POLR3E: variants seen among roughly 807,000 people sequenced by gnomAD.
POLR3E encodes DNA-directed RNA polymerase III subunit RPC5.
Under a neutral mutation model 96.6 loss-of-function variants are expected in POLR3E, and 41 were observed. The observed-to-expected ratio is 0.42, with a 90% CI of 0.33 to 0.55. POLR3E has a LOEUF of 0.55. POLR3E is among the 20% of genes least tolerant of loss of function. The pLI, the probability that POLR3E is intolerant of heterozygous loss-of-function variation, is 0.06. For synonymous variants in POLR3E, 396 were observed against 383.6 expected, an observed-to-expected ratio of 1.03 and a Z score of -0.38; for missense variants, 849 against 952.1, an observed-to-expected ratio of 0.89 and a Z score of 1.43.
chr16:22,297,822 C>T (rs935903194), intron 1 of POLR3E, among the ~76,000 whole-genome samples: 71 of 152,256 alleles, frequency 4.7e-4, no homozygotes, highest in Non-Finnish European at 1.5e-4. Flanking sequence ...CCTGGGAGGC[C>T]TCCTACGGAA....
chr16:22,322,985 A>G lies in POLR3E; in HGVS notation c.1068+54A>G, dbSNP rs2048501671. On this transcript the variant is annotated intron_variant, in intron 14 of 20. Coordinates refer to ENST00000299853, the MANE Select transcript of POLR3E (RefSeq NM_018119.4). This position sits in a 1 kb window ranked among gnomAD's most constrained non-coding sequence, Gnocchi z 5.2. Reference sequence around the variant, plus strand: ...GGTGGGGGCGTGGGAAGAGGGGGGCAGCGGTGCAGGGCTTCTGAAGACCGG... The same window carrying G: ...GGTGGGGGCGTGGGAAGAGGGGGGCGGCGGTGCAGGGCTTCTGAAGACCGG... 3.1e-6 allele frequency: 4 copies of G among 1,278,238 alleles called. No homozygotes were observed. The highest frequency in any genetic ancestry group is 4.5e-6 in the Non-Finnish European group (4 of 891,060). 79.2% of individuals were successfully genotyped at this position (1,278,238 alleles called of 1,614,324 possible).
At position 22,333,673 on chromosome 16, in the gene POLR3E, G is replaced by C; in HGVS notation, c.2100G>C (p.Trp700Cys). 6.2e-7 allele frequency: 1 copy of C among 1,611,446 alleles called. No individual in the cohort carries two copies. The highest frequency in any genetic ancestry group is 8.5e-7 in the Non-Finnish European group (1 of 1,177,574). ...GCTGTGTAAGCTATGGTGGCATGTG[G>C]TACCTTAAAGGGACAGTACAGTCTT... ...KDCCVSYGGMWYLKGTVQS is the reference protein window; with the variant it reads ...KDCCVSYGGMCYLKGTVQS Residue 700 changes from tryptophan (W) to cysteine (C), a missense_variant, in exon 21 of 21, where the codon TGG becomes TGC. Transcript: ENST00000299853.
intron 1 of POLR3E, among the ~76,000 whole-genome samples, chr16:22,297,908 T>A (rs1449999469): frequency 1.3e-5 from 2 of 152,208 alleles, no homozygotes; most frequent in Non-Finnish European, 2.9e-5. Flanking sequence ...AAGGGGGGCC[T>A]GACCACCCGC....
At chr16:22,301,523 G>A (rs940129675) in intron 1 of POLR3E, among the ~76,000 whole-genome samples, 5 of 152,348 alleles carry the variant, frequency 3.3e-5, no homozygotes, top group African/African-American at 1.2e-4. Context: ...AGAGGTTGCA[G>A]TGAGTCAAAA....
At chr16:22,323,459 A>G (rs1303854958) in intron 14 of POLR3E, among the ~76,000 whole-genome samples, 3 of 151,962 alleles carry the variant, frequency 2.0e-5, no homozygotes, top group Non-Finnish European at 4.4e-5. Context: ...CTGGAACTCC[A>G]TGCAGCTGGG....
At chr16:22,332,215 A>G in intron 20 of POLR3E, 30 bp downstream of exon 20, 1 of 1,601,542 alleles carries the variant, frequency 6.2e-7, no homozygotes, top group Admixed American at 1.7e-5. Flanking sequence ...AACAAACAAT[A>G]TCAAAGGCTC....
intron 1 of POLR3E, among the ~76,000 whole-genome samples, chr16:22,300,223 T>C (rs2047994326): frequency 6.6e-6 from 1 of 152,246 alleles, no homozygotes; most frequent in Admixed American, 6.5e-5. Context: ...GGGACAGTTA[T>C]AGTTACGTGA....
At chr16:22,328,454 C>A in intron 18 of POLR3E, 56 bp from the exon 19 acceptor site, 1 of 1,461,658 alleles carries the variant, frequency 6.8e-7, no homozygotes, top group Non-Finnish European at 9.6e-7. Flanking sequence ...ATGAGGCAAG[C>A]AAATGGATCC....
In POLR3E at chr16:22,313,650, T is replaced by C; in HGVS notation, c.395T>C (p.Ile132Thr). ...GELHLTPLHG[I>T]LQLRPSFSYL... Reference sequence around the variant, plus strand: ...CTCCACCTGACACCTTTACATGGCATCCTGCAGCTGCGGCCCAGCTTCTCC... The same window carrying C: ...CTCCACCTGACACCTTTACATGGCACCCTGCAGCTGCGGCCCAGCTTCTCC... Residue 132 changes from isoleucine (I) to threonine (T), a missense_variant, in exon 7 of 21, where the codon ATC becomes ACC. Physicochemically the swap from Ile to Thr is moderately conservative, Grantham distance 89 (BLOSUM62 -1). Coordinates refer to ENST00000299853, the MANE Select transcript of POLR3E (RefSeq NM_018119.4). The surrounding 1 kb of genome is among the most constrained non-coding windows in gnomAD (Gnocchi z 4.1). 4 of 1,613,926 alleles carry C rather than the reference T, an allele frequency of 2.5e-6. No individual in the cohort carries two copies. Among genetic ancestry groups the C allele is most frequent in the Non-Finnish European group, 3.4e-6 (4 of 1,179,836 alleles).
In POLR3E at chr16:22,315,261, T is replaced by C. The variant is rs925128480; in HGVS notation, c.642+53T>C. On this transcript the variant is annotated intron_variant, in intron 9 of 20. Coordinates refer to ENST00000299853, the MANE Select transcript of POLR3E (RefSeq NM_018119.4). ...GGAAACACCTCGGTGCCCGGAAGGG[T>C]CATGGTGTGGCCTCCGTGTCTCACC... 7.8e-6 allele frequency: 12 copies of C among 1,536,644 alleles called. No homozygotes were observed. The African/African-American group carries it at 1.2e-4, about 16-fold the overall frequency.
chr16:22,308,365 A>C, intron 4 of POLR3E, 140 bp downstream of exon 4: 1 of 700,996 alleles, frequency 1.4e-6, no homozygotes, highest in Middle Eastern at 2.9e-4. Context: ...AAGCTGAAGA[A>C]GGAAAGTGTC....
At chr16:22,315,531 A>T (rs2048336607) in intron 9 of POLR3E, among the ~76,000 whole-genome samples, 1 of 152,144 alleles carries the variant, frequency 6.6e-6, no homozygotes, top group African/African-American at 2.4e-5. Flanking sequence ...CGCAGGCCAG[A>T]TGCATTCTCC....
At chr16:22,319,294 G>C (rs1172142500) in intron 13 of POLR3E, among the ~76,000 whole-genome samples, 1 of 152,176 alleles carries the variant, frequency 6.6e-6, no homozygotes, top group Non-Finnish European at 1.5e-5. Context: ...CTCTTAATGG[G>C]AGCATTTGGT....
chr16:22,308,307 A>G (rs1351123027), intron 4 of POLR3E, 82 bp downstream of exon 4: 4 of 1,078,760 alleles, frequency 3.7e-6, no homozygotes, highest in African/African-American at 3.1e-5. Flanking sequence ...AAGCTCAGAG[A>G]AGGAGTCATT....
intron 6 of POLR3E, among the ~76,000 whole-genome samples, chr16:22,312,451 C>T (rs554794541): frequency 2.0e-5 from 3 of 152,144 alleles, no homozygotes; most frequent in South Asian, 2.1e-4. Context: ...AAGCCGAGAT[C>T]GCACCACTGA....
chr16:22,316,474 C>T (rs985273541), intron 9 of POLR3E, 127 bp from the exon 10 acceptor site: 7 of 677,668 alleles, frequency 1.0e-5, no homozygotes, highest in East Asian at 2.7e-5. Context: ...CCTTGGGTGC[C>T]GTGCTCAGGA....
At chr16:22,333,618 G>C in intron 20 of POLR3E, 26 bp from the exon 21 acceptor site, 14 of 1,572,218 alleles carry the variant, frequency 8.9e-6, no homozygotes, top group Non-Finnish European at 1.2e-5. Flanking sequence ...GCAAAAATCT[G>C]TGCTTACCCT....
chr16:22,308,266 G>A, intron 4 of POLR3E, 41 bp downstream of exon 4: 1 of 1,482,678 alleles, frequency 6.7e-7, no homozygotes, highest in Non-Finnish European at 9.4e-7. Context: ...CGAAAGAGAG[G>A]GTGATGAGGG....
At chr16:22,325,379 C>G (rs1268345985) in intron 17 of POLR3E, 113 bp downstream of exon 17, 2 of 865,378 alleles carry the variant, frequency 2.3e-6, no homozygotes, top group Non-Finnish European at 3.9e-6. Context: ...GGGCTCTCAC[C>G]GTTCACCCTT....
Sources: allele counts gnomAD v4.1 joint callset (sites outside exome capture counted in the v4.1 genomes callset), GRCh38; gene constraint gnomAD v4.1.1; non-coding constraint Gnocchi (gnomAD v3.1); transcripts MANE v1.5; gene names NCBI Gene and HGNC (gene_info 2026-07-23, HGNC 2026-07-21).